LRP1B: variants seen among roughly 807,000 people sequenced by gnomAD.
LRP1B encodes the protein LDL receptor related protein 1B.
LRP1B carries 217 observed loss-of-function variants against 556.6 expected under a neutral mutation model. That is an observed-to-expected ratio of 0.39 (90% CI 0.35 to 0.44). LRP1B has a LOEUF of 0.44. LRP1B is among the 20% of genes least tolerant of loss of function. The pLI, the probability that LRP1B is intolerant of heterozygous loss-of-function variation, is 1.00. For missense variants in LRP1B, 5,053 were observed against 5,620.8 expected (o/e 0.90, Z 3.23); for synonymous variants, 2,047 against 1,865.8 (o/e 1.10, Z -2.50).
intron 3 of LRP1B, among the ~76,000 whole-genome samples, chr2:141,276,069 A>T (rs925599196): frequency 4.6e-5 from 7 of 152,190 alleles, no homozygotes; most frequent in African/African-American, 1.7e-4. Context: ...ATCAAACAAA[A>T]GTATTCATTT....
At chr2:140,325,741 A>C (rs1177403614) in intron 80 of LRP1B, 21 bp downstream of exon 80, 7 of 1,479,924 alleles carry the variant, frequency 4.7e-6, no homozygotes, top group South Asian at 4.7e-5. Context: ...TTAAAAATGA[A>C]GACAAAAGCA....
In LRP1B at chr2:140,578,508, G is replaced by C. The variant is rs184797718; in HGVS notation, c.7194+20123C>G. ...CTTCTACTCAGCAGTTACGATCCCTGCTCAAGGCCTTTGCATTTGCAGTGC... is the reference window on the plus strand; with the variant it reads ...CTTCTACTCAGCAGTTACGATCCCTCCTCAAGGCCTTTGCATTTGCAGTGC... On this transcript the variant is annotated intron_variant, in intron 43 of 90. Transcript: ENST00000389484. 2.4e-4 allele frequency among the ~76,000 whole-genome samples: 37 copies of C among 152,238 alleles called. 1 individual carries two copies. Among genetic ancestry groups the C allele is most frequent in the Admixed American group, 2.1e-3 (32 of 15,298 alleles).
chr2:140,447,681 T>G (rs578013656), intron 63 of LRP1B, among the ~76,000 whole-genome samples: 15 of 152,238 alleles, frequency 9.9e-5, no homozygotes, highest in Admixed American at 3.9e-4. Context: ...TTCCTTTGCA[T>G]TCATAATTTT....
chr2:141,808,832 G>A (rs1288377237), intron 2 of LRP1B, among the ~76,000 whole-genome samples: 1 of 152,034 alleles, frequency 6.6e-6, no homozygotes, highest in African/African-American at 2.4e-5. Flanking sequence ...TGTATAATAT[G>A]AAGGGAATCG....
At chr2:141,267,932 T>A (rs569442427) in intron 3 of LRP1B, among the ~76,000 whole-genome samples, 1 of 152,300 alleles carries the variant, frequency 6.6e-6, no homozygotes, top group South Asian at 2.1e-4. Flanking sequence ...TCCATATTGC[T>A]AGCAAAATTT....
At chr2:141,904,163 C>T (rs1250392435) in intron 1 of LRP1B, among the ~76,000 whole-genome samples, 3 of 151,786 alleles carry the variant, frequency 2.0e-5, no homozygotes, top group Non-Finnish European at 4.4e-5. Flanking sequence ...TTCAGAAAGA[C>T]CAGTGGTAGC....
intron 1 of LRP1B, among the ~76,000 whole-genome samples, chr2:142,110,168 T>C (rs1333408279): frequency 1.3e-5 from 2 of 152,156 alleles, no homozygotes; most frequent in East Asian, 1.9e-4. Context: ...TCATTCTTCC[T>C]GGAATAAAAA....
intron 1 of LRP1B, among the ~76,000 whole-genome samples, chr2:142,111,203 G>T (rs1706977630): frequency 6.6e-6 from 1 of 152,124 alleles, no homozygotes; most frequent in Admixed American, 6.6e-5. Flanking sequence ...GTCACTTTGA[G>T]TTGGAGTTTT....
intron 41 of LRP1B, among the ~76,000 whole-genome samples, chr2:140,646,810 G>A (rs949597078): frequency 1.3e-5 from 2 of 151,812 alleles, no homozygotes; most frequent in African/African-American, 4.8e-5. Context: ...ACATACATAT[G>A]TGATATGTGA....
intron 18 of LRP1B, 24 bp downstream of exon 18, chr2:140,982,136 T>C (rs1696788118): frequency 6.4e-7 from 1 of 1,551,836 alleles, no homozygotes; most frequent in Non-Finnish European, 8.9e-7. Flanking sequence ...TCTGTAATAA[T>C]AACATGTCTC....
At chr2:141,378,810 A>G (rs1689529918) in intron 3 of LRP1B, among the ~76,000 whole-genome samples, 1 of 152,212 alleles carries the variant, frequency 6.6e-6, no homozygotes, top group African/African-American at 2.4e-5. Flanking sequence ...CAGTTAACTG[A>G]AATTATTCAG....
At chr2:142,050,609 T>C (rs1704420984) in intron 1 of LRP1B, among the ~76,000 whole-genome samples, 1 of 152,172 alleles carries the variant, frequency 6.6e-6, no homozygotes. Context: ...TAACTTACCT[T>C]AAAGAGAATA....
At chr2:140,961,531 A>G (rs1274266095) in intron 18 of LRP1B, among the ~76,000 whole-genome samples, 1 of 152,096 alleles carries the variant, frequency 6.6e-6, no homozygotes, top group African/African-American at 2.4e-5. Flanking sequence ...TTACTAAAAC[A>G]CAAGCAATAT....
chr2:140,268,095 CAG>C (rs1014588546), intron 86 of LRP1B, among the ~76,000 whole-genome samples: 52 of 151,992 alleles, frequency 3.4e-4, no homozygotes, highest in African/African-American at 1.2e-3. Flanking sequence ...ATTAGTGAGA[CAG>C]GGGCAGGACA....
intron 3 of LRP1B, among the ~76,000 whole-genome samples, chr2:141,275,740 A>G (rs1286830767): frequency 6.6e-6 from 1 of 152,156 alleles, no homozygotes; most frequent in Non-Finnish European, 1.5e-5. Flanking sequence ...AAATATCAGT[A>G]TAAGCATGTT....
At chr2:140,927,291 G>A (rs549594634) in intron 20 of LRP1B, among the ~76,000 whole-genome samples, 2 of 152,150 alleles carry the variant, frequency 1.3e-5, no homozygotes, top group East Asian at 1.9e-4. Flanking sequence ...GGGGACAGAG[G>A]GAGACTCTGT....
At chr2:140,992,417 T>G (rs1006410700) in intron 16 of LRP1B, 2 of 152,108 alleles carry the variant, frequency 1.3e-5, no homozygotes, top group Non-Finnish European at 2.9e-5. Context: ...GTCACACTGA[T>G]GAAAACGTGG....
chr2:140,309,670 A>G (rs558600107), intron 83 of LRP1B, among the ~76,000 whole-genome samples: 1 of 151,940 alleles, frequency 6.6e-6, no homozygotes, highest in Admixed American at 6.6e-5. Flanking sequence ...TTCTAATAAT[A>G]GTTTCTAATA....
chr2:140,400,286 A>T (rs1684436268), intron 66 of LRP1B, among the ~76,000 whole-genome samples: 1 of 152,122 alleles, frequency 6.6e-6, no homozygotes, highest in Non-Finnish European at 1.5e-5. Flanking sequence ...GCCCTAAACC[A>T]ACGACTGACA....
Sources: allele counts gnomAD v4.1 joint callset (sites outside exome capture counted in the v4.1 genomes callset), GRCh38; gene constraint gnomAD v4.1.1; transcripts MANE v1.5; gene names NCBI Gene and HGNC (gene_info 2026-07-23, HGNC 2026-07-21).